Variants in GALNT17 observed in about 807,000 individuals in gnomAD.
GALNT17 encodes polypeptide N-acetylgalactosaminyltransferase 17, also known as UDP-GalNAc:polypeptide N-acetylgalactosaminyltransferase-like 3.
A neutral mutation model predicts 63.7 loss-of-function variants in GALNT17; 29 were observed. The ratio of observed to expected loss-of-function variants is 0.46; its 90% CI spans 0.34 to 0.62. The LOEUF (loss-of-function observed/expected upper bound fraction) is 0.62, where lower values mean the gene tolerates loss of function less well. Among genes scored for constraint, GALNT17 ranks in the 20% least tolerant of loss-of-function variants. GALNT17 has a pLI of 0.01. For synonymous variants in GALNT17, 305 were observed against 318.3 expected (o/e 0.96, Z 0.45); for missense variants, 603 against 799.6 (o/e 0.75, Z 2.97).
intron 6 of GALNT17, among the ~76,000 whole-genome samples, chr7:71,639,849 G>A (rs560260867): frequency 3.9e-5 from 6 of 152,132 alleles, no homozygotes; most frequent in African/African-American, 1.4e-4. Context: ...CTTTCAGAGG[G>A]GGGTGAGCTC....
chr7:71,631,901 C>T (rs181719918), intron 6 of GALNT17, among the ~76,000 whole-genome samples: 1 of 152,014 alleles, frequency 6.6e-6, no homozygotes, highest in East Asian at 2.0e-4. Flanking sequence ...TTAACTCGCC[C>T]AGCTGAGTTA....
intron 1 of GALNT17, among the ~76,000 whole-genome samples, chr7:71,319,376 T>G (rs559432604): frequency 6.6e-6 from 1 of 152,008 alleles, no homozygotes; most frequent in African/African-American, 2.4e-5. Context: ...ATTTCCAGGG[T>G]TTCCTTCTAC....
intron 1 of GALNT17, among the ~76,000 whole-genome samples, chr7:71,287,136 C>T: frequency 6.6e-6 from 1 of 152,134 alleles, no homozygotes; most frequent in Non-Finnish European, 1.5e-5. Context: ...GTTGCTCAGG[C>T]TGGAGTGCCG....
intron 1 of GALNT17, among the ~76,000 whole-genome samples, chr7:71,204,792 C>T (rs545069986): frequency 6.6e-6 from 1 of 152,224 alleles, no homozygotes; most frequent in East Asian, 1.9e-4. Flanking sequence ...GTCACCCAGG[C>T]TGGAGTACAG....
intron 6 of GALNT17, among the ~76,000 whole-genome samples, chr7:71,596,603 C>CAG (rs994400467): frequency 6.6e-6 from 1 of 151,926 alleles, no homozygotes; most frequent in African/African-American, 2.4e-5. Context: ...TGAAGATGAG[C>CAG]AGGTTTGTGG....
At chr7:71,517,208 G>A (rs751932850) in intron 5 of GALNT17, among the ~76,000 whole-genome samples, 5 of 152,286 alleles carry the variant, frequency 3.3e-5, no homozygotes, top group African/African-American at 4.8e-5. Flanking sequence ...TTCTGATGGC[G>A]CTCTCTTCTT....
intron 1 of GALNT17, among the ~76,000 whole-genome samples, chr7:71,274,078 A>G (rs896774482): frequency 6.6e-6 from 1 of 152,140 alleles, no homozygotes; most frequent in Non-Finnish European, 1.5e-5. Flanking sequence ...GCGAGGGCAT[A>G]TGTTCGGTGG....
In GALNT17 at chr7:71,558,106, T is replaced by TTCTGCCAGTC. The variant is rs367670062; in HGVS notation, c.963-13175_963-13166dup. 7.6e-3 allele frequency among the ~76,000 whole-genome samples: 1,157 copies of TTCTGCCAGTC among 152,152 alleles called. 11 individuals are homozygous for TTCTGCCAGTC. Among genetic ancestry groups the TTCTGCCAGTC allele is most frequent in the African/African-American group, 0.026 (1,086 of 41,514 alleles). On this transcript the variant is annotated intron_variant, in intron 5 of 10. Transcript: ENST00000333538. ...AAACAAAACAAAAACACAATCACCT[T>TTCTGCCAGTC]TCTGCCAGTCTCTCCCAGTCCAGAG...
At chr7:71,661,034 G>C (rs619096) in intron 6 of GALNT17, among the ~76,000 whole-genome samples, 2 of 152,066 alleles carry the variant, frequency 1.3e-5, no homozygotes, top group Non-Finnish European at 2.9e-5. Flanking sequence ...TGCCACTGCA[G>C]ATCCATGGAG....
intron 5 of GALNT17, among the ~76,000 whole-genome samples, chr7:71,484,626 G>A (rs1423713736): frequency 6.6e-6 from 1 of 152,120 alleles, no homozygotes; most frequent in African/African-American, 2.4e-5. Context: ...GACATCATTA[G>A]GTGATAGGCA....
At chr7:71,372,187 C>G (rs570639277) in intron 2 of GALNT17, among the ~76,000 whole-genome samples, 70 of 152,082 alleles carry the variant, frequency 4.6e-4, no homozygotes, top group Non-Finnish European at 8.2e-4. Context: ...GAGATGGAGT[C>G]TCGCTCTGTT....
chr7:71,278,536 G>T (rs1790722470), intron 1 of GALNT17, among the ~76,000 whole-genome samples: 1 of 152,180 alleles, frequency 6.6e-6, no homozygotes, highest in Non-Finnish European at 1.5e-5. Flanking sequence ...ATGTTCTCAG[G>T]CTGCTACAAA....
chr7:71,419,709 C>G (rs894648806), intron 4 of GALNT17, among the ~76,000 whole-genome samples: 1 of 152,108 alleles, frequency 6.6e-6, no homozygotes, highest in Non-Finnish European at 1.5e-5. Context: ...TCTAAGCCTC[C>G]TTAGATGGCT....
At chr7:71,240,856 G>C (rs144243620) in intron 1 of GALNT17, among the ~76,000 whole-genome samples, 2,406 of 152,024 alleles carry the variant, frequency 0.016, 72 homozygotes, top group African/African-American at 0.055. Flanking sequence ...AGTAGAGACG[G>C]AGTTTCACCG....
chr7:71,271,512 A>C (rs1250705009), intron 1 of GALNT17, among the ~76,000 whole-genome samples: 1 of 152,240 alleles, frequency 6.6e-6, no homozygotes, highest in Non-Finnish European at 1.5e-5. Flanking sequence ...TTTTTGAAAG[A>C]ATCTGAGCTC....
chr7:71,635,892 C>T (rs1327036524), intron 6 of GALNT17, among the ~76,000 whole-genome samples: 1 of 152,166 alleles, frequency 6.6e-6, no homozygotes, highest in East Asian at 1.9e-4. Context: ...TCACTCTCGT[C>T]ACCATCTTGG....
At chr7:71,381,604 C>G (rs1792848959) in intron 2 of GALNT17, among the ~76,000 whole-genome samples, 1 of 151,914 alleles carries the variant, frequency 6.6e-6, no homozygotes. Flanking sequence ...CATGGTGGAA[C>G]CCCATCTTTA....
At chr7:71,211,076 T>C (rs1468105806) in intron 1 of GALNT17, among the ~76,000 whole-genome samples, 2 of 152,198 alleles carry the variant, frequency 1.3e-5, no homozygotes, top group African/African-American at 4.8e-5. Context: ...AGTGACCTGA[T>C]TTTATGGTAT....
At chr7:71,622,495 G>T (rs1276565469) in intron 6 of GALNT17, among the ~76,000 whole-genome samples, 4 of 152,072 alleles carry the variant, frequency 2.6e-5, no homozygotes, top group African/African-American at 4.8e-5. Context: ...CACTCTCACT[G>T]GTGTCTCTCT....
Sources: gnomAD v4.1 joint callset for allele counts (sites outside exome capture counted in the v4.1 genomes callset) on GRCh38, gnomAD v4.1.1 for gene constraint, MANE v1.5 for transcripts, NCBI Gene and HGNC (gene_info 2026-07-23, HGNC 2026-07-21) for gene names.